The following GNB5 variants were observed in gnomAD, a reference collection of about 807,000 sequenced individuals.
GNB5 encodes guanine nucleotide-binding protein subunit beta-5.
GNB5 carries 37 observed loss-of-function variants against 55.3 expected under a neutral mutation model. That is an observed-to-expected ratio of 0.67 (90% CI 0.51 to 0.88). The LOEUF is 0.88. GNB5 is among the 40% of genes least tolerant of loss of function. The pLI, the probability that GNB5 is intolerant of heterozygous loss-of-function variation, is 0.00. For missense variants in GNB5, 476 were observed against 515.3 expected (o/e 0.92, Z 0.74); for synonymous variants, 219 against 198.5 (o/e 1.10, Z -0.87).
chr15:52,186,620 T>G (rs150302132), intron 1 of GNB5, among the ~76,000 whole-genome samples: 1 of 152,174 alleles, frequency 6.6e-6, no homozygotes, highest in East Asian at 1.9e-4. Flanking sequence ...CCCTGTCAAT[T>G]TGGTAGGTGT....
intron 3 of GNB5, among the ~76,000 whole-genome samples, chr15:52,174,281 T>C (rs1345534416): frequency 6.6e-6 from 1 of 152,228 alleles, no homozygotes; most frequent in Non-Finnish European, 1.5e-5. Context: ...ATGTATGTTA[T>C]TGCAAGCCAC....
intron 3 of GNB5, among the ~76,000 whole-genome samples, chr15:52,168,538 TTGCCC>T (rs2034494116): frequency 6.6e-6 from 1 of 152,164 alleles, no homozygotes; most frequent in Admixed American, 6.5e-5. Context: ...AATGGCCATA[TTGCCC>T]AAAGTAATTT....
intron 3 of GNB5, among the ~76,000 whole-genome samples, chr15:52,171,946 A>G (rs1365728690): frequency 6.6e-6 from 1 of 152,206 alleles, no homozygotes; most frequent in African/African-American, 2.4e-5. Flanking sequence ...CAATATTAGC[A>G]TCTGCCTCAA....
At chr15:52,131,344 G>A (rs1201096920) in intron 9 of GNB5, among the ~76,000 whole-genome samples, 1 of 152,134 alleles carries the variant, frequency 6.6e-6, no homozygotes, top group East Asian at 1.9e-4. Flanking sequence ...ATTGAGAGAT[G>A]ATTTAAAGTA....
chr15:52,136,172 A>ACACACCCC lies in GNB5; in HGVS notation c.628-417_628-416insGGGGTGTG, dbSNP rs1168734914. On this transcript the variant is annotated intron_variant, in intron 7 of 12. Transcript: ENST00000261837. ...CACACACACACACACACACACACAC[A>ACACACCCC]CCCTACCTGCTGTATCTGGGTTCAT... is the stretch of plus-strand genomic sequence containing the variant. 1.7e-4 allele frequency among the ~76,000 whole-genome samples: 17 copies of ACACACCCC among 100,114 alleles called. 1 individual carries two copies. Among genetic ancestry groups the ACACACCCC allele is most frequent in the African/African-American group, 7.5e-4 (17 of 22,784 alleles). The allele number at this position is 100,114 out of a possible 152,430, so 65.7% of individuals were successfully genotyped here.
intron 7 of GNB5, among the ~76,000 whole-genome samples, chr15:52,139,231 C>G (rs1010179816): frequency 1.2e-4 from 19 of 152,196 alleles, no homozygotes; most frequent in African/African-American, 4.3e-4. Flanking sequence ...TGCTTGAGCT[C>G]TGGAGTTCAA....
At chr15:52,176,551 A>G (rs530338314) in intron 3 of GNB5, among the ~76,000 whole-genome samples, 1 of 152,304 alleles carries the variant, frequency 6.6e-6, no homozygotes, top group East Asian at 1.9e-4. Flanking sequence ...GGGTAAGGTA[A>G]GAGCGGCTGC....
rs2033148472 is a variant in GNB5, at chr15:52,116,806, G to T, written c.*5951C>A. On this transcript the variant is annotated 3_prime_UTR_variant, in exon 13 of 13. Transcript: ENST00000261837. ...AAAGACATCTGCCTAGCAACTGCCT[G>T]TCCAACCTCGGACTGGTGTGACCTT... 6.6e-6 allele frequency: 1 copy of T among 152,078 alleles called. No individual in the cohort carries two copies. The highest frequency in any genetic ancestry group is 2.1e-4 in the South Asian group (1 of 4,824). 9.4% of individuals were successfully genotyped at this position (152,078 alleles called of 1,614,324 possible). A position where few individuals can be genotyped will look rare whatever the true frequency, so the allele number is the denominator to read the frequency against.
At chr15:52,151,122 G>C (rs1056472196) in intron 4 of GNB5, among the ~76,000 whole-genome samples, 15 of 152,280 alleles carry the variant, frequency 9.9e-5, no homozygotes, top group Middle Eastern at 3.4e-3. Flanking sequence ...AAGCACATTG[G>C]TTCTTCTGGT....
intron 6 of GNB5, among the ~76,000 whole-genome samples, chr15:52,142,531 CCA>C (rs545815628): frequency 2.0e-3 from 307 of 151,626 alleles, no homozygotes; most frequent in African/African-American, 7.3e-3. Flanking sequence ...TCAAATTACC[CCA>C]AATTTGGGGC....
At chr15:52,172,280 C>T (rs1437193448) in intron 3 of GNB5, among the ~76,000 whole-genome samples, 1 of 152,026 alleles carries the variant, frequency 6.6e-6, no homozygotes, top group Non-Finnish European at 1.5e-5. Flanking sequence ...ACCACAGGTA[C>T]ACACCATCAT....
chr15:52,159,660 C>T (rs2034289200), intron 3 of GNB5, among the ~76,000 whole-genome samples: 1 of 152,172 alleles, frequency 6.6e-6, no homozygotes, highest in Non-Finnish European at 1.5e-5. Context: ...GTTCCAGAAT[C>T]TCTACTATGT....
intron 7 of GNB5, among the ~76,000 whole-genome samples, chr15:52,140,450 C>T (rs189490782): frequency 6.6e-6 from 1 of 152,166 alleles, no homozygotes; most frequent in Non-Finnish European, 1.5e-5. Flanking sequence ...CTGTGACCAA[C>T]CCCTCCTGCT....
chr15:52,126,150 T>C (rs1345152884), intron 10 of GNB5, 106 bp from the exon 11 acceptor site: 1 of 626,146 alleles, frequency 1.6e-6, no homozygotes, highest in Non-Finnish European at 2.9e-6. Flanking sequence ...GTTTAAAAGA[T>C]GAAGGAAAAA....
chr15:52,161,238 G>GT (rs1850284859), intron 3 of GNB5, among the ~76,000 whole-genome samples: 1 of 152,168 alleles, frequency 6.6e-6, no homozygotes, highest in Non-Finnish European at 1.5e-5. Flanking sequence ...AAATCAAGGA[G>GT]TAGGTGAGGC....
At chr15:52,183,289 A>G (rs1205049920) in intron 2 of GNB5, among the ~76,000 whole-genome samples, 12 of 148,266 alleles carry the variant, frequency 8.1e-5, no homozygotes, top group Admixed American at 6.7e-4. Flanking sequence ...TTCCACCTGC[A>G]GAGGAAGTTG....
At chr15:52,133,227 T>C (rs1214101810) in intron 9 of GNB5, 151 bp downstream of exon 9, 3 of 583,270 alleles carry the variant, frequency 5.1e-6, no homozygotes, top group African/African-American at 1.9e-5. Flanking sequence ...TCTGGAGCAC[T>C]GTTCAGTTCC....
chr15:52,174,501 C>G (rs1382949811), intron 3 of GNB5, among the ~76,000 whole-genome samples: 2 of 152,104 alleles, frequency 1.3e-5, no homozygotes, highest in African/African-American at 4.8e-5. Flanking sequence ...TTGATGTGAG[C>G]TGGCTTCCCA....
intron 4 of GNB5, among the ~76,000 whole-genome samples, chr15:52,153,169 G>GA (rs2034136700): frequency 6.6e-6 from 1 of 152,190 alleles, no homozygotes; most frequent in Non-Finnish European, 1.5e-5. Context: ...ATGAAATATG[G>GA]CATGGCCCTG....
Sources: allele counts gnomAD v4.1 joint callset (sites outside exome capture counted in the v4.1 genomes callset), GRCh38; gene constraint gnomAD v4.1.1; transcripts MANE v1.5; gene names NCBI Gene and HGNC (gene_info 2026-07-23, HGNC 2026-07-21).